PTPRD: variants seen among roughly 807,000 people sequenced by gnomAD.
The protein encoded by PTPRD is protein tyrosine phosphatase receptor type D, also known as receptor-type tyrosine-protein phosphatase delta.
A neutral mutation model predicts 214.5 loss-of-function variants in PTPRD; 34 were observed. The ratio of observed to expected loss-of-function variants is 0.16; its 90% CI spans 0.12 to 0.21. The LOEUF (loss-of-function observed/expected upper bound fraction) is 0.21. Among genes scored for constraint, PTPRD ranks in the 10% least tolerant of loss-of-function variants. PTPRD has a pLI of 1.00. For synonymous variants in PTPRD, 1,128 were observed against 845.7 expected, an observed-to-expected ratio of 1.33 and a Z score of -5.79; for missense variants, 2,545 against 2,398.7, an observed-to-expected ratio of 1.06 and a Z score of -1.27.
rs146621850 is a variant in PTPRD at position 10,321,208 on chromosome 9, G to A, written c.-545+19755C>T. ...ATAATGATAATAACTACTCCAAAGG[G>A]GAAAAAAAACAATGAGAACTGCTGT... On this transcript the variant is annotated intron_variant, in intron 3 of 45. Transcript: ENST00000381196. Among the ~76,000 whole-genome samples, 422 of 151,650 alleles carry A rather than the reference G, an allele frequency of 2.8e-3. 10 individuals carry two copies. Among genetic ancestry groups the A allele is most frequent in the Admixed American group, 0.024 (364 of 15,220 alleles).
chr9:8,667,288 G>C (rs143336738), intron 12 of PTPRD, among the ~76,000 whole-genome samples: 1 of 152,158 alleles, frequency 6.6e-6, no homozygotes, highest in Non-Finnish European at 1.5e-5. Context: ...GCAGTGAGCC[G>C]AGATCATGCC....
intron 11 of PTPRD, among the ~76,000 whole-genome samples, chr9:8,935,424 A>AAAAC (rs2098990288): frequency 2.6e-5 from 4 of 152,198 alleles, no homozygotes; most frequent in East Asian, 1.9e-4. Context: ...AGATCTGTAC[A>AAAAC]TAGAAAACAC....
chr9:8,658,004 A>C (rs1051093944), intron 12 of PTPRD, among the ~76,000 whole-genome samples: 1 of 152,158 alleles, frequency 6.6e-6, no homozygotes, highest in Non-Finnish European at 1.5e-5. Context: ...CTTAGCAGCA[A>C]AATATTGCTT....
At chr9:8,894,503 G>A (rs2098587954) in intron 11 of PTPRD, among the ~76,000 whole-genome samples, 1 of 151,878 alleles carries the variant, frequency 6.6e-6, no homozygotes, top group Admixed American at 6.6e-5. Context: ...CCTGATAGGA[G>A]TCAGAATGTG....
At chr9:10,328,243 T>C (rs1027941159) in intron 3 of PTPRD, among the ~76,000 whole-genome samples, 1 of 151,792 alleles carries the variant, frequency 6.6e-6, no homozygotes, top group African/African-American at 2.4e-5. Flanking sequence ...ATTTTCTTAT[T>C]TTTCTTATTT....
At chr9:9,490,348 C>G (rs1460778863) in intron 8 of PTPRD, among the ~76,000 whole-genome samples, 1 of 151,976 alleles carries the variant, frequency 6.6e-6, no homozygotes, top group Non-Finnish European at 1.5e-5. Flanking sequence ...AATATATAGG[C>G]AATTATAAAA....
At chr9:10,091,269 C>G (rs144298638) in intron 3 of PTPRD, among the ~76,000 whole-genome samples, 2 of 151,574 alleles carry the variant, frequency 1.3e-5, no homozygotes, top group East Asian at 2.0e-4. Context: ...TTATGTCTCT[C>G]TGGCAAGATT....
At position 10,591,668 on chromosome 9, in the gene PTPRD, A is replaced by G. The variant is rs566553151; in HGVS notation, c.-600+20730T>C. The stretch of plus-strand genomic sequence containing the variant: ...AAAACACTTTGGTGGGCAGCCTCCA[A>G]TAAGGCCCCAAATATGCCAGCCTCA... On this transcript the variant is annotated intron_variant, in intron 2 of 45. Transcript: ENST00000381196. 3.9e-5 allele frequency among the ~76,000 whole-genome samples: 6 copies of G among 152,172 alleles called. No homozygotes were observed. In the East Asian group the frequency reaches 1.2e-3, roughly 30 times the overall value.
At chr9:9,406,809 G>A (rs1049138826) in intron 8 of PTPRD, among the ~76,000 whole-genome samples, 2 of 150,204 alleles carry the variant, frequency 1.3e-5, no homozygotes, top group South Asian at 4.2e-4. Context: ...GGAACAGTAG[G>A]CTTGAAAAAA....
intron 11 of PTPRD, among the ~76,000 whole-genome samples, chr9:8,927,132 T>C (rs1450646597): frequency 6.6e-6 from 1 of 152,132 alleles, no homozygotes; most frequent in Non-Finnish European, 1.5e-5. Context: ...AAAGGCAAAA[T>C]TCTAATTTAA....
At chr9:8,933,039 C>G (rs551654738) in intron 11 of PTPRD, among the ~76,000 whole-genome samples, 2 of 152,018 alleles carry the variant, frequency 1.3e-5, no homozygotes, top group African/African-American at 2.4e-5. Context: ...GTTGCGAAGA[C>G]CATGGGAAAA....
intron 9 of PTPRD, among the ~76,000 whole-genome samples, chr9:9,195,011 CTATGG>C (rs1245703445): frequency 7.1e-6 from 1 of 141,800 alleles, no homozygotes; most frequent in Non-Finnish European, 1.5e-5. Flanking sequence ...ATACAGATAC[CTATGG>C]TATATATGTG....
rs376308005 is a variant in PTPRD, at chr9:10,293,565, C to T, written c.-545+47398G>A. 8.4e-4 allele frequency among the ~76,000 whole-genome samples: 127 copies of T among 152,062 alleles called. 3 individuals carry two copies. In the South Asian group the frequency reaches 0.022, roughly 26 times the overall value. On this transcript the variant is annotated intron_variant, in intron 3 of 45. Coordinates refer to ENST00000381196, the MANE Select transcript of PTPRD (RefSeq NM_002839.4). ...TTGCTCCATCATTAAGTTTAGGATA[C>T]TCCTTGGGAGTTTATACAGTCTAAC...
At chr9:9,199,079 A>G (rs1030084949) in intron 9 of PTPRD, among the ~76,000 whole-genome samples, 2 of 152,164 alleles carry the variant, frequency 1.3e-5, no homozygotes, top group African/African-American at 4.8e-5. Flanking sequence ...AGATTGAAAG[A>G]CGGCTGAGAG....
rs1467243762 is a variant in PTPRD, at chr9:8,819,782, G to A, written c.-103-85836C>T. 5.3e-5 allele frequency among the ~76,000 whole-genome samples: 8 copies of A among 152,288 alleles called. No homozygotes were observed. The East Asian group carries it at 1.4e-3, about 26-fold the overall frequency. ...TCAGATTCCTTTGTGACACAGCATCGTGAAGTTGTTGATAGCCGGAATTAA... is the reference window on the plus strand; with the variant it reads ...TCAGATTCCTTTGTGACACAGCATCATGAAGTTGTTGATAGCCGGAATTAA... On this transcript the variant is annotated intron_variant, in intron 11 of 45. Coordinates refer to ENST00000381196, the MANE Select transcript of PTPRD (RefSeq NM_002839.4).
chr9:8,727,251 A>G (rs2098594722), intron 12 of PTPRD, among the ~76,000 whole-genome samples: 1 of 152,228 alleles, frequency 6.6e-6, no homozygotes, highest in African/African-American at 2.4e-5. Context: ...TACTCAATAA[A>G]AAATGCTTTG....
chr9:10,305,714 A>G (rs1196163763), intron 3 of PTPRD, among the ~76,000 whole-genome samples: 1 of 152,164 alleles, frequency 6.6e-6, no homozygotes, highest in Non-Finnish European at 1.5e-5. Flanking sequence ...AATCAAAACT[A>G]CAATGAGATA....
At chr9:9,925,045 T>C (rs2083790589) in intron 5 of PTPRD, among the ~76,000 whole-genome samples, 1 of 152,130 alleles carries the variant, frequency 6.6e-6, no homozygotes, top group East Asian at 1.9e-4. Flanking sequence ...TAGCAGCTGG[T>C]ATATAATTGT....
At chr9:9,262,912 T>A (rs999764751) in intron 9 of PTPRD, among the ~76,000 whole-genome samples, 2 of 151,668 alleles carry the variant, frequency 1.3e-5, no homozygotes, top group Non-Finnish European at 3.0e-5. Context: ...TCATCTTACT[T>A]AGAGTTCCTA....
Sources: allele counts gnomAD v4.1 joint callset (sites outside exome capture counted in the v4.1 genomes callset), GRCh38; gene constraint gnomAD v4.1.1; transcripts MANE v1.5; gene names NCBI Gene and HGNC (gene_info 2026-07-23, HGNC 2026-07-21).